TRPV3: variants seen among roughly 807,000 people sequenced by gnomAD.
The protein encoded by TRPV3 is transient receptor potential cation channel subfamily V member 3.
TRPV3 carries 88 observed loss-of-function variants against 87.1 expected under a neutral mutation model. The ratio of observed to expected loss-of-function variants is 1.01; its 90% CI spans 0.85 to 1.21. TRPV3 has a LOEUF of 1.21. Ranked by LOEUF, TRPV3 falls within the 50% of genes most tolerant of loss-of-function variation. The pLI is 0.00. For synonymous variants in TRPV3, 438 were observed against 423.3 expected, an observed-to-expected ratio of 1.03 and a Z score of -0.43; for missense variants, 1,054 against 1,030.1, an observed-to-expected ratio of 1.02 and a Z score of -0.32.
At chr17:3,542,368 AG>A (rs1400418459) in intron 6 of TRPV3, among the ~76,000 whole-genome samples, 153 bp downstream of exon 6, 1 of 152,200 alleles carries the variant, frequency 6.6e-6, no homozygotes, top group African/African-American at 2.4e-5. Context: ...GAAGAAAGAG[AG>A]GGTTGCCTGA....
chr17:3,548,569 T>C (rs2074545650), intron 2 of TRPV3, among the ~76,000 whole-genome samples: 1 of 152,180 alleles, frequency 6.6e-6, no homozygotes, highest in Non-Finnish European at 1.5e-5. Context: ...CTCTGCCCTT[T>C]CCTCCAGCAC....
At chr17:3,547,989 A>G (rs1270167728) in intron 2 of TRPV3, among the ~76,000 whole-genome samples, 1 of 152,092 alleles carries the variant, frequency 6.6e-6, no homozygotes, top group Non-Finnish European at 1.5e-5. Context: ...GACAACCCGG[A>G]CTGTGAGGAT....
Position 3,545,037 on chromosome 17 carries a change from A to T in TRPV3, c.224+130T>A, listed in dbSNP as rs12945853. On this transcript the variant is annotated intron_variant, in intron 3 of 17. Transcript: ENST00000576742. ...TCAAAAAGATAAATAATAATAATAA[A>T]GTTTTATAATAGACAGTGGTAGCAT... 0.32 allele frequency: 190,402 copies of T among 586,876 alleles called. 33,808 individuals carry two copies. The highest frequency in any genetic ancestry group is 0.38 in the Non-Finnish European group (124,646 of 332,026). The allele number at this position is 586,876 out of a possible 1,614,324, so 36.4% of individuals were successfully genotyped here.
chr17:3,556,198 A>AAT lies in TRPV3; in HGVS notation c.-2-1347_-2-1346insAT, dbSNP rs1491313173. Among the ~76,000 whole-genome samples, 64 of 147,834 alleles carry AAT rather than the reference A, an allele frequency of 4.3e-4. No individual in the cohort carries two copies. The highest frequency in any genetic ancestry group is 1.0e-3 in the South Asian group (5 of 4,762). ...TCTCAAAAAAAATGAAAAAAAAAAAAAATAAAGTTTTTATTAAACATAAAA... is the reference window on the plus strand; with the variant it reads ...TCTCAAAAAAAATGAAAAAAAAAAAAATAATAAAGTTTTTATTAAACATAAAA... On this transcript the variant is annotated intron_variant, in intron 1 of 17. Transcript: ENST00000576742. This position sits in a 1 kb window ranked among gnomAD's most constrained non-coding sequence, Gnocchi z 4.2.
At chr17:3,545,002 A>C (rs2074510520) in intron 3 of TRPV3, among the ~76,000 whole-genome samples, 165 bp downstream of exon 3, 1 of 152,208 alleles carries the variant, frequency 6.6e-6, no homozygotes, top group African/African-American at 2.4e-5. Flanking sequence ...CAACAGAGCG[A>C]CATTCCATCT....
At chr17:3,519,704 A>AGATGGATGGATGGATG (rs145819534) in intron 14 of TRPV3, among the ~76,000 whole-genome samples, 1 of 86,060 alleles carries the variant, frequency 1.2e-5, no homozygotes. Context: ...ATGGATGGAT[A>AGATGGATGGATGGATG]GATGGATGGA....
At chr17:3,523,027 G>C (rs2074262117) in intron 13 of TRPV3, among the ~76,000 whole-genome samples, 1 of 151,994 alleles carries the variant, frequency 6.6e-6, no homozygotes, top group Non-Finnish European at 1.5e-5. Flanking sequence ...AGAATAAGGG[G>C]GGACTACTGT....
At chr17:3,525,211 G>T (rs1398803648) in intron 12 of TRPV3, among the ~76,000 whole-genome samples, 2 of 152,146 alleles carry the variant, frequency 1.3e-5, no homozygotes, top group Non-Finnish European at 2.9e-5. Context: ...GTAGAGATGG[G>T]GTTTCACCAT....
At chr17:3,535,815 T>C (rs1467544255) in intron 6 of TRPV3, 102 bp from the exon 7 acceptor site, 2 of 1,288,742 alleles carry the variant, frequency 1.6e-6, no homozygotes, top group Non-Finnish European at 2.0e-6. Context: ...CACGGGGAGA[T>C]CAGAACCCTG....
In TRPV3 at chr17:3,542,472, C is replaced by T. The variant is rs753531969; in HGVS notation, c.643+50G>A. The T allele has an allele frequency of 3.7e-5, 58 of 1,581,360 alleles. No homozygotes were observed. The South Asian group carries it at 6.4e-4, about 17-fold the overall frequency. On this transcript the variant is annotated intron_variant, in intron 6 of 17. Coordinates refer to ENST00000576742, the MANE Select transcript of TRPV3 (RefSeq NM_145068.4). ...CCAGCAGTGGCCCTGTGGCCCCATACCCCACCCTCAGAGACTCCTGTCTGC... is the reference window on the plus strand; with the variant it reads ...CCAGCAGTGGCCCTGTGGCCCCATATCCCACCCTCAGAGACTCCTGTCTGC...
At position 3,556,044 on chromosome 17, in the gene TRPV3, G is replaced by A. The variant is rs2150810985; in HGVS notation, c.-2-1192C>T. Reference sequence around the variant, plus strand: ...TACAAAAAATTAGCCGGGCATGGTGGTACATGCCTGTAGTCCCAGCTAGTC... The same window carrying A: ...TACAAAAAATTAGCCGGGCATGGTGATACATGCCTGTAGTCCCAGCTAGTC... On this transcript the variant is annotated intron_variant, in intron 1 of 17. Transcript: ENST00000576742. This position sits in a 1 kb window ranked among gnomAD's most constrained non-coding sequence, Gnocchi z 4.2. Among the ~76,000 whole-genome samples the A allele has an allele frequency of 6.6e-6, 1 of 151,924 alleles. No individual in the cohort carries two copies. Among genetic ancestry groups the A allele is most frequent in the African/African-American group, 2.4e-5 (1 of 41,390 alleles).
chr17:3,516,260 T>G (rs550707180), intron 16 of TRPV3, among the ~76,000 whole-genome samples, 197 bp downstream of exon 16: 16 of 152,116 alleles, frequency 1.1e-4, no homozygotes, highest in African/African-American at 3.6e-4. Context: ...CTTTCTCTTC[T>G]GAAGCTCAGG....
rs1488799060 is a variant in TRPV3 at position 3,527,620 on chromosome 17, C to T, written c.1503+405G>A. On this transcript the variant is annotated intron_variant, in intron 11 of 17. Transcript: ENST00000576742. ...ATGGATGGATGGATGGATGGATGGACGGATGGACAGATGGAGAGATGGAAA... is the reference window on the plus strand; with the variant it reads ...ATGGATGGATGGATGGATGGATGGATGGATGGACAGATGGAGAGATGGAAA... 5.3e-5 allele frequency: 13 copies of T among 244,434 alleles called. No individual in the cohort carries two copies. In the East Asian group the frequency reaches 6.8e-4, roughly 13 times the overall value. 15.1% of individuals were successfully genotyped at this position (244,434 alleles called of 1,614,324 possible).
At chr17:3,533,564 T>A (rs969167160) in intron 7 of TRPV3, among the ~76,000 whole-genome samples, 2 of 151,036 alleles carry the variant, frequency 1.3e-5, no homozygotes, top group African/African-American at 4.9e-5. Context: ...AGTGGTGCGA[T>A]CTCGCCTCAC....
At chr17:3,524,066 T>TTG in intron 13 of TRPV3, 132 bp downstream of exon 13, 2 of 1,197,078 alleles carry the variant, frequency 1.7e-6, no homozygotes, top group Non-Finnish European at 1.2e-6. Context: ...GCAAAGGGAG[T>TTG]GCATGGCATT....
At chr17:3,546,597 G>GC (rs1250314459) in intron 2 of TRPV3, 5 of 453,282 alleles carry the variant, frequency 1.1e-5, no homozygotes, top group Non-Finnish European at 1.8e-5. Flanking sequence ...GGTGAGGAAG[G>GC]CCCCCCTTGG....
At chr17:3,536,611 A>C (rs568615586) in intron 6 of TRPV3, among the ~76,000 whole-genome samples, 11 of 152,040 alleles carry the variant, frequency 7.2e-5, no homozygotes, top group East Asian at 3.9e-4. Context: ...AACAAACAAA[A>C]AAATGATGAG....
rs192805786 is a variant in TRPV3 at position 3,535,851 on chromosome 17, C to A, written c.644-138G>T. 101 of 1,105,572 alleles carry A rather than the reference C, an allele frequency of 9.1e-5. 1 individual carries two copies. The Middle Eastern group carries it at 2.0e-3, about 22-fold the overall frequency. 68.5% of individuals were successfully genotyped at this position (1,105,572 alleles called of 1,614,324 possible). A position where few individuals can be genotyped will look rare whatever the true frequency, so the allele number is the denominator to read the frequency against. On this transcript the variant is annotated intron_variant, in intron 6 of 17. Transcript: ENST00000576742. ...GTCTGTGTCGCCAGCTACCAGGAAT[C>A]CCAGCTTTGTTCTTTGCTTCCTTCA... is the stretch of plus-strand genomic sequence containing the variant.
Position 3,514,639 on chromosome 17 carries a change from C to A in TRPV3, c.2232G>T (p.Thr744=), listed in dbSNP as rs367945092. 3 of 1,613,982 alleles carry A rather than the reference C, an allele frequency of 1.9e-6. No individual in the cohort carries two copies. The highest frequency in any genetic ancestry group is 1.7e-5 in the Admixed American group (1 of 60,018). The part of the protein sequence containing the change: ...INEVKWTEWK[T]HVSFLNEDPG... ...GGTCTTCGTTAAGGAAGGAGACGTG[C>A]GTCTTCCATTCAGTCCACTTCACCT... The change falls in exon 17 of 18, where the codon ACG becomes ACT. Residue 744 remains threonine, a synonymous_variant. Transcript: ENST00000576742.
Sources: gnomAD v4.1 joint callset for allele counts (sites outside exome capture counted in the v4.1 genomes callset) on GRCh38, gnomAD v4.1.1 for gene constraint, Gnocchi (gnomAD v3.1) non-coding constraint, MANE v1.5 for transcripts, NCBI Gene and HGNC (gene_info 2026-07-23, HGNC 2026-07-21) for gene names.